SGCZ: variants seen among roughly 807,000 people sequenced by gnomAD.
SGCZ encodes zeta-sarcoglycan.
In SGCZ, 40 loss-of-function variants were observed where a neutral mutation model predicts 41.3. That is an observed-to-expected ratio of 0.97 (90% CI 0.75 to 1.26). SGCZ has a LOEUF of 1.26. Among genes scored for constraint, SGCZ ranks in the 50% most tolerant of loss-of-function variants. The pLI is 0.00. For missense variants in SGCZ, 552 were observed against 369.8 expected (o/e 1.49, Z -4.04); for synonymous variants, 206 against 137.5 (o/e 1.50, Z -3.49).
intron 1 of SGCZ, among the ~76,000 whole-genome samples, chr8:15,113,183 T>C (rs1807135919): frequency 6.9e-6 from 1 of 144,992 alleles, no homozygotes. Flanking sequence ...CACTCTAGCC[T>C]GGGCAAGAGA....
intron 1 of SGCZ, among the ~76,000 whole-genome samples, chr8:15,001,054 G>A (rs992004856): frequency 1.3e-5 from 2 of 152,212 alleles, no homozygotes; most frequent in Non-Finnish European, 2.9e-5. Flanking sequence ...GACAACAACG[G>A]CTGAGTGACA....
chr8:14,376,654 G>A (rs1458313237), intron 2 of SGCZ, among the ~76,000 whole-genome samples: 2 of 152,064 alleles, frequency 1.3e-5, no homozygotes, highest in African/African-American at 4.8e-5. Flanking sequence ...AAAAAAAGGA[G>A]AGAAAATTCC....
At chr8:14,509,609 A>T (rs1802410182) in intron 2 of SGCZ, among the ~76,000 whole-genome samples, 1 of 152,154 alleles carries the variant, frequency 6.6e-6, no homozygotes, top group African/African-American at 2.4e-5. Flanking sequence ...AAGAACATGA[A>T]CCATCATCTC....
intron 1 of SGCZ, among the ~76,000 whole-genome samples, chr8:15,181,984 G>T (rs1295813759): frequency 1.3e-5 from 2 of 152,086 alleles, no homozygotes; most frequent in Non-Finnish European, 2.9e-5. Flanking sequence ...TCAAACGATG[G>T]TGGGTAAGCC....
intron 7 of SGCZ, among the ~76,000 whole-genome samples, chr8:14,093,705 A>T (rs1801757404): frequency 1.3e-5 from 2 of 152,110 alleles, no homozygotes; most frequent in South Asian, 4.1e-4. Context: ...CCAGAAAAAG[A>T]ATTCATATAT....
chr8:15,178,213 C>A (rs146554113), intron 1 of SGCZ, among the ~76,000 whole-genome samples: 1 of 152,046 alleles, frequency 6.6e-6, no homozygotes, highest in African/African-American at 2.4e-5. Flanking sequence ...TTGTTTTTTT[C>A]TTTGAGAATT....
chr8:15,006,813 A>G (rs188631590), intron 1 of SGCZ, among the ~76,000 whole-genome samples: 4 of 152,314 alleles, frequency 2.6e-5, no homozygotes, highest in Admixed American at 2.0e-4. Context: ...GCATTCGACA[A>G]GATTATTAAT....
At chr8:15,188,292 T>C (rs1230646370) in intron 1 of SGCZ, among the ~76,000 whole-genome samples, 4 of 152,012 alleles carry the variant, frequency 2.6e-5, no homozygotes, top group Admixed American at 1.3e-4. Context: ...ATCCTATGAG[T>C]TTATAAACTG....
chr8:15,039,335 C>A (rs959705074), intron 1 of SGCZ, among the ~76,000 whole-genome samples: 24 of 152,094 alleles, frequency 1.6e-4, no homozygotes, highest in African/African-American at 5.8e-4. Flanking sequence ...CATGGATGAA[C>A]CCAGATGACA....
chr8:15,118,284 C>G (rs565132898), intron 1 of SGCZ, among the ~76,000 whole-genome samples: 1 of 152,224 alleles, frequency 6.6e-6, no homozygotes, highest in African/African-American at 2.4e-5. Flanking sequence ...GAGGAAATGT[C>G]TTTAAGAGAA....
At chr8:14,186,653 C>T (rs775533594) in intron 4 of SGCZ, among the ~76,000 whole-genome samples, 2 of 152,278 alleles carry the variant, frequency 1.3e-5, no homozygotes, top group East Asian at 1.9e-4. Flanking sequence ...ATAGTGCAGA[C>T]ATTTTGCGCA....
chr8:15,163,495 T>C (rs1799572680), intron 1 of SGCZ, among the ~76,000 whole-genome samples: 1 of 152,230 alleles, frequency 6.6e-6, no homozygotes, highest in Admixed American at 6.5e-5. Flanking sequence ...TGTTTTGTTT[T>C]GTTATTGACT....
At chr8:14,924,415 A>G (rs1246660043) in intron 1 of SGCZ, among the ~76,000 whole-genome samples, 1 of 152,212 alleles carries the variant, frequency 6.6e-6, no homozygotes, top group Non-Finnish European at 1.5e-5. Context: ...TAAGATTTCA[A>G]ATGTCAACTA....
intron 5 of SGCZ, among the ~76,000 whole-genome samples, chr8:14,158,262 G>T (rs1803936530): frequency 6.6e-6 from 1 of 152,132 alleles, no homozygotes. Flanking sequence ...AGATTCTAGA[G>T]ACTGTGAATA....
intron 1 of SGCZ, among the ~76,000 whole-genome samples, chr8:14,621,292 TGGGGGGA>T (rs1211511638): frequency 3.1e-5 from 2 of 65,464 alleles, no homozygotes; most frequent in African/African-American, 1.2e-4. Context: ...TGTTGTGGGG[TGGGGGGA>T]GGGGGGAGGG....
At chr8:14,738,543 C>T (rs2243992) in intron 1 of SGCZ, among the ~76,000 whole-genome samples, 151,667 of 152,212 alleles carry the variant, frequency 1, 75,566 homozygotes, top group Middle Eastern at 1. Context: ...GTGTACCTAG[C>T]TCGTAAAATT....
intron 1 of SGCZ, among the ~76,000 whole-genome samples, chr8:15,065,801 T>C (rs1805117496): frequency 1.3e-5 from 2 of 152,178 alleles, no homozygotes; most frequent in Non-Finnish European, 2.9e-5. Context: ...GGTCACGATA[T>C]CTATTTTTAT....
intron 1 of SGCZ, among the ~76,000 whole-genome samples, chr8:14,906,297 T>C (rs1377911240): frequency 6.6e-6 from 1 of 152,118 alleles, no homozygotes; most frequent in Non-Finnish European, 1.5e-5. Flanking sequence ...CTTGAGACAA[T>C]ATGAATATTT....
At chr8:14,306,807 A>T (rs1801366704) in intron 3 of SGCZ, among the ~76,000 whole-genome samples, 1 of 152,244 alleles carries the variant, frequency 6.6e-6, no homozygotes, top group South Asian at 2.1e-4. Flanking sequence ...AATTCAGGAA[A>T]ACTTATAAAA....
Sources: allele counts gnomAD v4.1 joint callset (sites outside exome capture counted in the v4.1 genomes callset), GRCh38; gene constraint gnomAD v4.1.1; transcripts MANE v1.5; gene names NCBI Gene and HGNC (gene_info 2026-07-23, HGNC 2026-07-21).